Variants in FARP1 observed in about 807,000 individuals in gnomAD.
FARP1 encodes the protein FERM, ARH/RhoGEF and pleckstrin domain protein 1, also known as FERM, ARHGEF and pleckstrin domain-containing protein 1.
In FARP1, 52 loss-of-function variants were observed where a neutral mutation model predicts 128.8. The ratio of observed to expected loss-of-function variants is 0.40; its 90% CI spans 0.32 to 0.51. The LOEUF is 0.51. Among genes scored for constraint, FARP1 ranks in the 20% least tolerant of loss-of-function variants. The pLI is 0.45. For missense variants in FARP1, 1,333 were observed against 1,367.9 expected (o/e 0.97, Z 0.40); for synonymous variants, 580 against 551.8 (o/e 1.05, Z -0.72).
chr13:98,307,097 T>C (rs1204885353), intron 2 of FARP1, among the ~76,000 whole-genome samples: 1 of 152,112 alleles, frequency 6.6e-6, no homozygotes, highest in Non-Finnish European at 1.5e-5. Context: ...AGATGAGAGG[T>C]CCCTCTTGAC....
chr13:98,410,307 C>T (rs1891143224), intron 14 of FARP1, among the ~76,000 whole-genome samples: 1 of 152,236 alleles, frequency 6.6e-6, no homozygotes, highest in African/African-American at 2.4e-5. Flanking sequence ...TCCCTTTAGA[C>T]CCAGCTACCA....
At chr13:98,294,184 C>A (rs1215373012) in intron 2 of FARP1, among the ~76,000 whole-genome samples, 1 of 152,192 alleles carries the variant, frequency 6.6e-6, no homozygotes, top group Non-Finnish European at 1.5e-5. Context: ...CCTTGGCCCT[C>A]CTTCTCACTG....
intron 2 of FARP1, among the ~76,000 whole-genome samples, chr13:98,214,314 G>A (rs1359538026): frequency 2.6e-5 from 4 of 152,070 alleles, no homozygotes; most frequent in East Asian, 1.9e-4. Context: ...CCCTCTCATC[G>A]GCTCAGTCCA....
In FARP1 at chr13:98,176,489, C is replaced by T. The variant is rs925370874; in HGVS notation, c.-24+32997C>T. 6.2e-7 allele frequency: 1 copy of T among 1,614,216 alleles called. No individual in the cohort carries two copies. The highest frequency in any genetic ancestry group is 1.1e-5 in the South Asian group (1 of 91,090). On this transcript the variant is annotated intron_variant, in intron 1 of 26. Transcript: ENST00000319562. This position sits in a 1 kb window ranked among gnomAD's most constrained non-coding sequence, Gnocchi z 6.2. ...ATGAAACACCTGAATGGTATTTCCT[C>T]TTCCTCGCTTCCCACTTCATGGTTT...
chr13:98,328,770 G>C (rs1201775969), intron 2 of FARP1: 5 of 152,218 alleles, frequency 3.3e-5, no homozygotes. Flanking sequence ...TCTGCTCACC[G>C]AGGTGGCCCT....
chr13:98,428,120 G>C (rs1236743851), intron 17 of FARP1, among the ~76,000 whole-genome samples: 1 of 144,804 alleles, frequency 6.9e-6, no homozygotes, highest in Non-Finnish European at 1.5e-5. Context: ...GCTCTTCCCA[G>C]ACTCTGCACA....
At chr13:98,370,184 T>C (rs1351809632) in intron 5 of FARP1, among the ~76,000 whole-genome samples, 1 of 152,198 alleles carries the variant, frequency 6.6e-6, no homozygotes, top group East Asian at 1.9e-4. Flanking sequence ...CCATCAGTCA[T>C]TTACTGAGAG....
intron 2 of FARP1, among the ~76,000 whole-genome samples, chr13:98,274,522 G>A (rs1884544215): frequency 6.6e-6 from 1 of 151,784 alleles, no homozygotes; most frequent in Non-Finnish European, 1.5e-5. Flanking sequence ...TTTTAACACA[G>A]CAAAAATCAG....
intron 1 of FARP1, among the ~76,000 whole-genome samples, chr13:98,149,491 T>C (rs1875818934): frequency 6.6e-6 from 1 of 152,194 alleles, no homozygotes; most frequent in Non-Finnish European, 1.5e-5. Flanking sequence ...CCTAACTTTA[T>C]AATAAGCTAT....
At chr13:98,200,389 C>G (rs1018065171) in intron 1 of FARP1, among the ~76,000 whole-genome samples, 1 of 39,782 alleles carries the variant, frequency 2.5e-5, no homozygotes, top group African/African-American at 7.4e-5. Flanking sequence ...CAACCTTCAC[C>G]CCCCCCCCCT....
chr13:98,338,104 C>T (rs534193627), intron 2 of FARP1, among the ~76,000 whole-genome samples: 7 of 152,162 alleles, frequency 4.6e-5, no homozygotes, highest in African/African-American at 2.4e-5. Context: ...CTTTTTCTCC[C>T]GTCTGCATTT....
intron 24 of FARP1, among the ~76,000 whole-genome samples, chr13:98,444,385 A>G (rs771850417): frequency 5.3e-5 from 8 of 151,994 alleles, no homozygotes; most frequent in Non-Finnish European, 8.8e-5. Context: ...AAGGGAGAGG[A>G]GCGGTGGCCC....
chr13:98,175,702 CCT>C (rs1407366707), intron 1 of FARP1: 8 of 163,436 alleles, frequency 4.9e-5, no homozygotes, highest in South Asian at 1.8e-4. Flanking sequence ...CTTCCTAACC[CCT>C]GACAACCACC....
intron 2 of FARP1, among the ~76,000 whole-genome samples, chr13:98,285,076 T>C (rs762959683): frequency 2.6e-5 from 4 of 152,210 alleles, no homozygotes; most frequent in Non-Finnish European, 4.4e-5. Context: ...GCGAGTATTA[T>C]TATTCAGTAG....
chr13:98,390,907 A>G lies in FARP1; in HGVS notation c.1088+27A>G, dbSNP rs201380747. On this transcript the variant is annotated intron_variant, in intron 11 of 26. Coordinates refer to ENST00000319562, the MANE Select transcript of FARP1 (RefSeq NM_005766.4). ...TAAGAGAAGCTTCAATGCTACTTCC[A>G]GTCTGAGAAGGCTCAGACTCGCCAG... The G allele has an allele frequency of 1.0e-4, 151 of 1,517,034 alleles. No homozygotes were observed. In the African/African-American group the frequency reaches 1.8e-3, roughly 18 times the overall value. 94.0% of individuals were successfully genotyped at this position (1,517,034 alleles called of 1,614,324 possible).
At chr13:98,447,922 T>C (rs1892954553) in intron 26 of FARP1, 3 of 396,066 alleles carry the variant, frequency 7.6e-6, no homozygotes, top group East Asian at 5.0e-5. Flanking sequence ...TTCTCTGCCA[T>C]GTCCATGAAA....
chr13:98,212,937 G>A (rs1478455615), intron 1 of FARP1, among the ~76,000 whole-genome samples: 1 of 152,168 alleles, frequency 6.6e-6, no homozygotes, highest in Non-Finnish European at 1.5e-5. Context: ...GCCTAGCCTA[G>A]CTCATTGTAG....
Position 98,343,849 on chromosome 13 carries a change from G to C in FARP1, c.259G>C (p.Asp87His), listed in dbSNP as rs754411923. The change falls in exon 3 of 27, where the codon GAT becomes CAT. Residue 87 changes from aspartate (D) to histidine (H), a missense_variant. By Grantham distance (81) the Asp-to-His change is moderately conservative. Transcript: ENST00000319562. ...TGACTATTTTGGCCTCGAGTTTCCT[G>C]ATCACAAAAAGATCACGGTAGGTGA... ...EGDYFGLEFPDHKKITVWLDL... is the reference protein window; with the variant it reads ...EGDYFGLEFPHHKKITVWLDL... The C allele has an allele frequency of 6.8e-6, 11 of 1,611,150 alleles. No homozygotes were observed. Among genetic ancestry groups the C allele is most frequent in the Non-Finnish European group, 8.5e-6 (10 of 1,178,380 alleles).
chr13:98,153,591 T>C (rs1411120447), intron 1 of FARP1, among the ~76,000 whole-genome samples: 2 of 55,790 alleles, frequency 3.6e-5, no homozygotes, highest in Non-Finnish European at 1.1e-4. Flanking sequence ...CGAGATAGAC[T>C]CTTGCTTTGT....
Sources: gnomAD v4.1 joint callset for allele counts (sites outside exome capture counted in the v4.1 genomes callset) on GRCh38, gnomAD v4.1.1 for gene constraint, Gnocchi (gnomAD v3.1) non-coding constraint, MANE v1.5 for transcripts, NCBI Gene and HGNC (gene_info 2026-07-23, HGNC 2026-07-21) for gene names.